The following SLC24A2 variants were observed in gnomAD, a reference collection of about 807,000 sequenced individuals.
The protein encoded by SLC24A2 is solute carrier family 24 member 2, also known as sodium/potassium/calcium exchanger 2.
In SLC24A2, 36 loss-of-function variants were observed where a neutral mutation model predicts 62.0. That is an observed-to-expected ratio of 0.58 (90% CI 0.44 to 0.77). SLC24A2 has a LOEUF of 0.77. SLC24A2 is among the 30% of genes least tolerant of loss of function. The probability of loss-of-function intolerance (pLI) is 0.00; values close to 1 mark genes in which losing one functional copy is unlikely to be tolerated. For missense variants in SLC24A2, 846 were observed against 817.9 expected (o/e 1.03, Z -0.42); for synonymous variants, 358 against 294.0 (o/e 1.22, Z -2.23).
intron 2 of SLC24A2, among the ~76,000 whole-genome samples, chr9:19,731,431 T>A (rs1307687435): frequency 6.6e-6 from 1 of 151,996 alleles, no homozygotes; most frequent in African/African-American, 2.4e-5. Context: ...TTAAATACAA[T>A]CATAAGGGTG....
the SLC24A2 span, among the ~76,000 whole-genome samples, chr9:20,052,049 T>C: frequency 1.3e-5 from 2 of 152,298 alleles, no homozygotes; most frequent in African/African-American, 4.8e-5. Flanking sequence ...AAACATTCAA[T>C]ATGTATTAGC....
rs997469391 is a variant in SLC24A2 at position 19,513,481 on chromosome 9, G to A, written c.*2672C>T. ...GTCAGGCTCAGTGCACATGACTGAT[G>A]TGGGAACGGGGCTTGGAAATTTTGT... On this transcript the variant is annotated 3_prime_UTR_variant, in exon 11 of 11. Coordinates refer to ENST00000341998, the MANE Select transcript of SLC24A2 (RefSeq NM_020344.4). 6.6e-6 allele frequency: 1 copy of A among 152,120 alleles called. No individual in the cohort carries two copies. The highest frequency in any genetic ancestry group is 1.5e-5 in the Non-Finnish European group (1 of 68,052). 9.4% of individuals were successfully genotyped at this position (152,120 alleles called of 1,614,324 possible).
chr9:19,642,454 G>C (rs537294711), intron 2 of SLC24A2, among the ~76,000 whole-genome samples: 1 of 152,226 alleles, frequency 6.6e-6, no homozygotes, highest in East Asian at 1.9e-4. Context: ...CCTACACAGG[G>C]CTGACACCAG....
At chr9:19,542,905 G>A (rs1160345896) in intron 8 of SLC24A2, among the ~76,000 whole-genome samples, 1 of 152,084 alleles carries the variant, frequency 6.6e-6, no homozygotes, top group Non-Finnish European at 1.5e-5. Flanking sequence ...TTCTTTTTTT[G>A]TTGTGTCTCT....
intron 5 of SLC24A2, among the ~76,000 whole-genome samples, chr9:19,583,798 C>CAAGGT (rs1836279448): frequency 6.6e-6 from 1 of 152,088 alleles, no homozygotes; most frequent in African/African-American, 2.4e-5. Flanking sequence ...TGCACATCTC[C>CAAGGT]AAGGTCAATA....
At chr9:19,662,884 G>C (rs769542194) in intron 2 of SLC24A2, among the ~76,000 whole-genome samples, 1 of 152,184 alleles carries the variant, frequency 6.6e-6, no homozygotes, top group African/African-American at 2.4e-5. Flanking sequence ...GTGCACGTGT[G>C]TGTATGTGTT....
At chr9:19,568,765 T>G (rs894697301) in intron 7 of SLC24A2, among the ~76,000 whole-genome samples, 4 of 152,210 alleles carry the variant, frequency 2.6e-5, no homozygotes, top group African/African-American at 7.2e-5. Context: ...TTGCTGCATT[T>G]TTTTTGGAAA....
chr9:19,596,563 G>C (rs1427333381), intron 5 of SLC24A2, among the ~76,000 whole-genome samples: 1 of 152,176 alleles, frequency 6.6e-6, no homozygotes, highest in Non-Finnish European at 1.5e-5. Flanking sequence ...ACAGTGCCTG[G>C]AATTCATTAA....
At chr9:20,186,440 T>C in the SLC24A2 span, among the ~76,000 whole-genome samples, 7 of 152,184 alleles carry the variant, frequency 4.6e-5, no homozygotes, top group Admixed American at 1.3e-4. Flanking sequence ...TCTGTCTTCC[T>C]GGAGCCACAT....
the SLC24A2 span, among the ~76,000 whole-genome samples, chr9:19,930,253 T>C: frequency 1.6e-4 from 24 of 152,162 alleles, 1 homozygote; most frequent in African/African-American, 5.3e-4. Context: ...CCCATACAGG[T>C]ATACCATTTA....
At chr9:19,730,723 G>A (rs1821309837) in intron 2 of SLC24A2, among the ~76,000 whole-genome samples, 3 of 151,996 alleles carry the variant, frequency 2.0e-5, no homozygotes, top group South Asian at 4.1e-4. Flanking sequence ...GCTAAAATAT[G>A]AATATATTAC....
At chr9:19,889,572 C>G in the SLC24A2 span, among the ~76,000 whole-genome samples, 3 of 152,178 alleles carry the variant, frequency 2.0e-5, no homozygotes, top group African/African-American at 7.2e-5. Flanking sequence ...ATGGGGTCCC[C>G]ATTGCTGCTT....
chr9:19,613,495 T>C lies in SLC24A2; in HGVS notation c.1078+6089A>G, dbSNP rs749346714. Among the ~76,000 whole-genome samples, 22 of 152,148 alleles carry C rather than the reference T, an allele frequency of 1.4e-4. 1 individual carries two copies. Among genetic ancestry groups the C allele is most frequent in the Non-Finnish European group, 2.5e-4 (17 of 68,030 alleles). On this transcript the variant is annotated intron_variant, in intron 4 of 10. Transcript: ENST00000341998. ...TCACCATTTTTTCTCTACGCTCCTCTTTCCCCAAAAAGGTCAATCCTAAAC... is the reference window on the plus strand; with the variant it reads ...TCACCATTTTTTCTCTACGCTCCTCCTTCCCCAAAAAGGTCAATCCTAAAC...
chr9:19,769,904 G>A (rs1822634037), intron 2 of SLC24A2, among the ~76,000 whole-genome samples: 1 of 152,026 alleles, frequency 6.6e-6, no homozygotes, highest in Admixed American at 6.5e-5. Context: ...GCTCAGTGCA[G>A]GGAGCCTTTT....
chr9:19,891,623 G>C, the SLC24A2 span, among the ~76,000 whole-genome samples: 38 of 152,250 alleles, frequency 2.5e-4, no homozygotes, highest in African/African-American at 8.9e-4. Context: ...ACTCATGCCT[G>C]TAATCCCAGT....
chr9:19,557,590 T>C (rs1835158265), intron 7 of SLC24A2, among the ~76,000 whole-genome samples: 1 of 152,226 alleles, frequency 6.6e-6, no homozygotes, highest in South Asian at 2.1e-4. Flanking sequence ...GAATAAATGC[T>C]GGCAGGGCCA....
At chr9:19,562,351 A>G (rs577618972) in intron 7 of SLC24A2, among the ~76,000 whole-genome samples, 2 of 152,226 alleles carry the variant, frequency 1.3e-5, no homozygotes, top group South Asian at 4.1e-4. Flanking sequence ...TTTCCTTTTT[A>G]TTAATAGCCC....
At position 19,508,306 on chromosome 9, in the gene SLC24A2, A is replaced by G. The variant is rs577022425; in HGVS notation, c.*7847T>C. The G allele has an allele frequency of 2.0e-5, 3 of 152,338 alleles. No individual in the cohort carries two copies. The highest frequency in any genetic ancestry group is 4.1e-4 in the South Asian group (2 of 4,830). 9.4% of individuals were successfully genotyped at this position (152,338 alleles called of 1,614,324 possible). On this transcript the variant is annotated 3_prime_UTR_variant, in exon 11 of 11. Coordinates refer to ENST00000341998, the MANE Select transcript of SLC24A2 (RefSeq NM_020344.4). ...AGAGAAACTCTTCAGACCACAAAACAGCCTCTAACAGAGGAATATCACTGG... is the reference window on the plus strand; with the variant it reads ...AGAGAAACTCTTCAGACCACAAAACGGCCTCTAACAGAGGAATATCACTGG...
At chr9:20,235,438 C>T in the SLC24A2 span, among the ~76,000 whole-genome samples, 1 of 152,142 alleles carries the variant, frequency 6.6e-6, no homozygotes, top group African/African-American at 2.4e-5. Context: ...TGGCAGGTGC[C>T]CCTCCCCCAG....
Sources: allele counts gnomAD v4.1 joint callset (sites outside exome capture counted in the v4.1 genomes callset), GRCh38; gene constraint gnomAD v4.1.1; transcripts MANE v1.5; gene names NCBI Gene and HGNC (gene_info 2026-07-23, HGNC 2026-07-21).